Variants in OXCT1 observed in about 807,000 individuals in gnomAD.
The protein encoded by OXCT1 is succinyl-CoA:3-ketoacid coenzyme A transferase 1, mitochondrial.
A neutral mutation model predicts 69.6 loss-of-function variants in OXCT1; 27 were observed. That is an observed-to-expected ratio of 0.39 (90% CI 0.29 to 0.54). OXCT1 has a LOEUF of 0.54. Ranked by LOEUF, OXCT1 falls within the 20% of genes least tolerant of loss-of-function variation. OXCT1 has a pLI of 0.72. For missense variants in OXCT1, 437 were observed against 650.2 expected, an observed-to-expected ratio of 0.67 and a Z score of 3.57; for synonymous variants, 202 against 217.8, an observed-to-expected ratio of 0.93 and a Z score of 0.64.
chr5:41,854,136 C>A (rs1749319673), intron 3 of OXCT1, among the ~76,000 whole-genome samples: 1 of 151,936 alleles, frequency 6.6e-6, no homozygotes, highest in Non-Finnish European at 1.5e-5. Context: ...TATCATAAAT[C>A]TTTTGCTCAA....
chr5:41,834,503 A>C (rs1170955776), intron 7 of OXCT1, among the ~76,000 whole-genome samples: 1 of 151,722 alleles, frequency 6.6e-6, no homozygotes, highest in Non-Finnish European at 1.5e-5. Context: ...AAAAAAAAAA[A>C]ACAAAACAGA....
chr5:41,801,750 C>A (rs578201026), intron 10 of OXCT1, among the ~76,000 whole-genome samples: 1 of 151,958 alleles, frequency 6.6e-6, no homozygotes, highest in Admixed American at 6.6e-5. Flanking sequence ...TACTTATGTC[C>A]TTATGTTCCT....
intron 9 of OXCT1, among the ~76,000 whole-genome samples, chr5:41,803,974 C>A (rs1295639494): frequency 2.0e-5 from 3 of 152,038 alleles, no homozygotes; most frequent in African/African-American, 7.2e-5. Flanking sequence ...AAATACCTCA[C>A]CAGAACTAGT....
At chr5:41,750,066 C>T (rs764863381) in intron 14 of OXCT1, among the ~76,000 whole-genome samples, 1 of 150,696 alleles carries the variant, frequency 6.6e-6, no homozygotes, top group Non-Finnish European at 1.5e-5. Context: ...TGGAAAACAG[C>T]AGTGCCTTGC....
intron 5 of OXCT1, 144 bp downstream of exon 5, chr5:41,849,886 G>T: frequency 1.2e-6 from 1 of 836,434 alleles, no homozygotes. Flanking sequence ...CCCAGATTTA[G>T]CTAGAAATTT....
intron 14 of OXCT1, among the ~76,000 whole-genome samples, chr5:41,755,202 T>TTA (rs1744001506): frequency 6.6e-6 from 1 of 152,016 alleles, no homozygotes; most frequent in Admixed American, 6.6e-5. Context: ...GAATTTAAAG[T>TTA]GATAAGGTTA....
At chr5:41,776,838 G>A (rs1745147951) in intron 13 of OXCT1, among the ~76,000 whole-genome samples, 2 of 151,966 alleles carry the variant, frequency 1.3e-5, no homozygotes, top group Non-Finnish European at 2.9e-5. Flanking sequence ...CTTGCTGCTA[G>A]ACATCTTAGA....
chr5:41,868,470 T>C (rs1750107391), intron 1 of OXCT1, among the ~76,000 whole-genome samples: 1 of 152,128 alleles, frequency 6.6e-6, no homozygotes, highest in African/African-American at 2.4e-5. Context: ...AGGGCTGTAA[T>C]CCCAGCACTT....
chr5:41,830,834 G>A (rs1448678568), intron 7 of OXCT1, among the ~76,000 whole-genome samples: 1 of 152,170 alleles, frequency 6.6e-6, no homozygotes. Flanking sequence ...ATTTAAGAGA[G>A]AAGGAATTAT....
At chr5:41,745,506 G>A (rs1219497362) in intron 15 of OXCT1, among the ~76,000 whole-genome samples, 7 of 152,130 alleles carry the variant, frequency 4.6e-5, no homozygotes, top group Non-Finnish European at 8.8e-5. Flanking sequence ...AGAAGCAAGA[G>A]CAAACACATT....
intron 8 of OXCT1, 149 bp downstream of exon 8, chr5:41,807,182 A>G: frequency 1.5e-6 from 1 of 666,506 alleles, no homozygotes; most frequent in Non-Finnish European, 2.7e-6. Flanking sequence ...TCATATCCCC[A>G]TGATGATAGA....
chr5:41,848,163 G>C (rs919364799), intron 5 of OXCT1, among the ~76,000 whole-genome samples: 9 of 151,348 alleles, frequency 5.9e-5, no homozygotes, highest in African/African-American at 2.2e-4. Context: ...CAAATCATGA[G>C]TGAACTCCCA....
At chr5:41,833,904 T>C (rs765286962) in intron 7 of OXCT1, among the ~76,000 whole-genome samples, 1 of 151,396 alleles carries the variant, frequency 6.6e-6, no homozygotes, top group Non-Finnish European at 1.5e-5. Flanking sequence ...CTACTAAAAA[T>C]ACAAAAAATT....
chr5:41,840,171 G>C (rs1352126511), intron 7 of OXCT1, among the ~76,000 whole-genome samples: 1 of 152,138 alleles, frequency 6.6e-6, no homozygotes, highest in African/African-American at 2.4e-5. Context: ...TTCATTCAAG[G>C]AGATCTATTT....
At chr5:41,743,604 T>C (rs1275407390) in intron 15 of OXCT1, among the ~76,000 whole-genome samples, 4 of 152,256 alleles carry the variant, frequency 2.6e-5, no homozygotes, top group Non-Finnish European at 5.9e-5. Context: ...AGGGTTTTTA[T>C]GGTTTTAGGT....
At chr5:41,845,750 G>C (rs976409007) in intron 5 of OXCT1, among the ~76,000 whole-genome samples, 1 of 152,064 alleles carries the variant, frequency 6.6e-6, no homozygotes, top group South Asian at 2.1e-4. Flanking sequence ...AGCTATCAAA[G>C]TATTTATCCC....
intron 1 of OXCT1, among the ~76,000 whole-genome samples, chr5:41,869,268 G>A (rs565619308): frequency 8.8e-4 from 134 of 152,292 alleles, no homozygotes; most frequent in African/African-American, 3.0e-3. Context: ...GGCCAGGCAG[G>A]CACGCTTCAG....
rs1482521284 is a variant in OXCT1 at position 41,870,101 on chromosome 5, C to T, written c.78+180G>A. On this transcript the variant is annotated intron_variant, in intron 1 of 16. Transcript: ENST00000196371. This position sits in a 1 kb window ranked among gnomAD's most constrained non-coding sequence, Gnocchi z 4.2. ...TGCAGAACCAAGCAAAGGCGGTCATCCGAGGGGCCGGCGAGGCCAGGAACG... is the reference window on the plus strand; with the variant it reads ...TGCAGAACCAAGCAAAGGCGGTCATTCGAGGGGCCGGCGAGGCCAGGAACG... 10 of 669,214 alleles carry T rather than the reference C, an allele frequency of 1.5e-5. No homozygotes were observed. In the Admixed American group the frequency reaches 2.1e-4, roughly 14 times the overall value. 41.5% of individuals were successfully genotyped at this position (669,214 alleles called of 1,614,324 possible).
chr5:41,739,832 C>T (rs1409888831), intron 15 of OXCT1: 3 of 281,150 alleles, frequency 1.1e-5, no homozygotes, highest in South Asian at 3.7e-5. Flanking sequence ...GATCACGCCA[C>T]TGCACTCCAG....
Sources: allele counts gnomAD v4.1 joint callset (sites outside exome capture counted in the v4.1 genomes callset), GRCh38; gene constraint gnomAD v4.1.1; non-coding constraint Gnocchi (gnomAD v3.1); transcripts MANE v1.5; gene names NCBI Gene and HGNC (gene_info 2026-07-23, HGNC 2026-07-21).